The following ATG9B variants were observed in gnomAD, a reference collection of about 807,000 sequenced individuals.
ATG9B encodes the protein autophagy-related protein 9B.
A neutral mutation model predicts 92.9 loss-of-function variants in ATG9B; 92 were observed. That is an observed-to-expected ratio of 0.99 (90% CI 0.84 to 1.18). The LOEUF (loss-of-function observed/expected upper bound fraction) is 1.18, where lower values mean the gene tolerates loss of function less well. ATG9B is among the 50% of genes most tolerant of loss of function. The pLI, the probability that ATG9B is intolerant of heterozygous loss-of-function variation, is 0.00. For missense variants in ATG9B, 1,344 were observed against 1,235.0 expected (o/e 1.09, Z -1.32); for synonymous variants, 599 against 551.4 (o/e 1.09, Z -1.21).
In ATG9B at chr7:151,020,440, C is replaced by T. The variant is rs550998566; in HGVS notation, c.963+748G>A. On this transcript the variant is annotated intron_variant, in intron 5 of 13. Transcript: ENST00000639579. ...CAGAGCCAATCCGAGGTCCAGCTTC[C>T]GCTCTCACCACCTCTGCTTCCCCGG... 221 of 152,894 alleles carry T rather than the reference C, an allele frequency of 1.4e-3. 1 individual carries two copies. Among genetic ancestry groups the T allele is most frequent in the Non-Finnish European group, 6.0e-4 (41 of 68,250 alleles). The allele number at this position is 152,894 out of a possible 1,614,324, so 9.5% of individuals were successfully genotyped here.
intron 4 of ATG9B, among the ~76,000 whole-genome samples, chr7:151,021,657 T>G (rs1472125386): frequency 6.6e-5 from 10 of 151,692 alleles, no homozygotes; most frequent in Non-Finnish European, 1.3e-4. Flanking sequence ...ACACTCTTTT[T>G]TTTTTTTTTT....
chr7:151,013,270 G>T (rs1474354751), downstream of ATG9B: 2 of 1,613,828 alleles, frequency 1.2e-6, no homozygotes, highest in African/African-American at 2.7e-5. Flanking sequence ...TTCGGCTGCC[G>T]ATGCTCCCAA....
Position 151,018,506 on chromosome 7 carries a change from T to C in ATG9B, c.1719-59A>G. The C allele has an allele frequency of 6.6e-7, 1 of 1,517,284 alleles. No individual in the cohort carries two copies. Among genetic ancestry groups the C allele is most frequent in the Non-Finnish European group, 8.8e-7 (1 of 1,135,206 alleles). 94.0% of individuals were successfully genotyped at this position (1,517,284 alleles called of 1,614,324 possible). On this transcript the variant is annotated intron_variant, in intron 6 of 13. Coordinates refer to ENST00000639579, the MANE Select transcript of ATG9B (RefSeq NM_001317056.2). The surrounding 1 kb of genome is among the most constrained non-coding windows in gnomAD (Gnocchi z 4.7). ...GCGATTAGGAGGACGCGCGGTGGGA[T>C]GTAGGGCTAGAGGGCCCCAGTGGTG...
Position 151,019,003 on chromosome 7 carries a change from C to G in ATG9B, c.1335G>C (p.Leu445=), listed in dbSNP as rs1795641441. The part of the protein sequence containing the change: ...WGRTVLLLAA[L]NLALSPLVLA... The stretch of plus-strand genomic sequence containing the variant: ...GCACCAGCGGGCTCAGCGCCAGGTT[C>G]AGGGCGGCCAGCAGCAGCACTGTGC... The change falls in exon 6 of 14, where the codon CTG becomes CTC. Residue 445 remains leucine, a synonymous_variant. Coordinates refer to ENST00000639579, the MANE Select transcript of ATG9B (RefSeq NM_001317056.2). The G allele has an allele frequency of 6.4e-7, 1 of 1,566,394 alleles. No individual in the cohort carries two copies. Among genetic ancestry groups the G allele is most frequent in the African/African-American group, 1.4e-5 (1 of 73,224 alleles).
In ATG9B at chr7:151,018,681, G is replaced by C; in HGVS notation, c.1657C>G (p.Leu553Val). The change falls in exon 6 of 14, where the codon CTA (leucine) becomes GTA (valine). Residue 553 changes from leucine to valine, a missense_variant. Physicochemically the swap from Leu to Val is conservative, Grantham distance 32 (BLOSUM62 1). Coordinates refer to ENST00000639579, the MANE Select transcript of ATG9B (RefSeq NM_001317056.2). This position sits in a 1 kb window ranked among gnomAD's most constrained non-coding sequence, Gnocchi z 4.7. ...LVLTVYDEDV[L>V]AVEHVLTAMT... ...GCGGTGAGCACGTGCTCCACGGCTA[G>C]CACGTCCTCGTCGTAGACGGTGAGC... 1 of 1,605,782 alleles carries C rather than the reference G, an allele frequency of 6.2e-7. No individual in the cohort carries two copies. The highest frequency in any genetic ancestry group is 8.5e-7 in the Non-Finnish European group (1 of 1,178,420).
downstream of ATG9B, chr7:151,012,220 T>C (rs1795319860): frequency 1.3e-6 from 1 of 781,466 alleles, no homozygotes; most frequent in East Asian, 3.0e-5. Context: ...TGTTTTTTGT[T>C]TTTTGTTTTT....
chr7:151,019,467 C>T, intron 5 of ATG9B, 93 bp from the exon 6 acceptor site: 3 of 1,443,620 alleles, frequency 2.1e-6, no homozygotes, highest in Non-Finnish European at 2.7e-6. Flanking sequence ...CCTGAAAACC[C>T]GCAAACTGAG....
chr7:151,014,935 T>G (rs1322139813), downstream of ATG9B: 1 of 152,202 alleles, frequency 6.6e-6, no homozygotes, highest in Non-Finnish European at 1.5e-5. Flanking sequence ...TGACAAGATT[T>G]CTGTTTTAAC....
At position 151,019,180 on chromosome 7, in the gene ATG9B, TC is replaced by T; in HGVS notation, c.1157del (p.Gly386GlufsTer46). On this transcript the variant is annotated frameshift_variant, in exon 6 of 14. Transcript: ENST00000639579. LOFTEE classifies it high-confidence loss of function. Reference sequence around the variant, plus strand: ...CGCGGCTGAGGAAAGCCGCACTGCCTCCCCAGGGCAGCGGGCAGCGGGCCGG... The same window carrying T: ...CGCGGCTGAGGAAAGCCGCACTGCCTCCCAGGGCAGCGGGCAGCGGGCCGG... ...LLPARCPLPWGGSAAFLSRGL... is the reference protein window; with the variant it reads ...LLPARCPLPWXGSAAFLSRGL... 1 of 1,536,682 alleles carries T rather than the reference TC, an allele frequency of 6.5e-7. No individual in the cohort carries two copies.
chr7:151,012,730 A>G (rs1242346018), downstream of ATG9B: 4 of 428,688 alleles, frequency 9.3e-6, no homozygotes, highest in East Asian at 3.9e-5. Flanking sequence ...CAAAGGGATT[A>G]GGGCTAAGAC....
At chr7:151,020,099 CCCA>C (rs1795692012) in intron 5 of ATG9B, 1 of 152,490 alleles carries the variant, frequency 6.6e-6, no homozygotes, top group African/African-American at 2.4e-5. Context: ...CAGAATCCTC[CCCA>C]CCTTCTGCCT....
rs1238680166 is a variant in ATG9B, at chr7:151,015,875, TACTG to T, written c.*14+3_*14+6del. On this transcript the variant is annotated splice_donor_5th_base_variant and intron_variant, in intron 13 of 13. Coordinates refer to ENST00000639579, the MANE Select transcript of ATG9B (RefSeq NM_001317056.2). Reference sequence around the variant, plus strand: ...TTCTCCCTCCCCTCACAGGAGGCAATACTGACCCTGAGGAGTCGTCTCAGTCAGT... The same window carrying T: ...TTCTCCCTCCCCTCACAGGAGGCAATACCCTGAGGAGTCGTCTCAGTCAGT... The T allele has an allele frequency of 3.2e-6, 5 of 1,549,626 alleles. No individual in the cohort carries two copies. The highest frequency in any genetic ancestry group is 3.3e-4 in the Middle Eastern group (2 of 5,978).
In ATG9B at chr7:151,023,225, G is replaced by A; in HGVS notation, c.660-19C>T. On this transcript the variant is annotated intron_variant, in intron 3 of 13. Coordinates refer to ENST00000639579, the MANE Select transcript of ATG9B (RefSeq NM_001317056.2). ...AAATTGTCTGCCGGGAGGAAGGGGG[G>A]GTGCCGGGATGCTGCAGTGATCAGG... The A allele has an allele frequency of 6.2e-7, 1 of 1,614,070 alleles. No homozygotes were observed. Among genetic ancestry groups the A allele is most frequent in the Non-Finnish European group, 8.5e-7 (1 of 1,179,998 alleles).
rs376401572 is a variant in ATG9B, at chr7:151,023,002, T to C, written c.821+43A>G. ...GGCTCCCGTCTACTCCTCTACCCAC[T>C]GCCCATGCTTCACCCCCAGGGCCCC... On this transcript the variant is annotated intron_variant, in intron 4 of 13. Coordinates refer to ENST00000639579, the MANE Select transcript of ATG9B (RefSeq NM_001317056.2). 1.5e-5 allele frequency: 24 copies of C among 1,612,640 alleles called. No individual in the cohort carries two copies. The African/African-American group carries it at 2.7e-4, about 18-fold the overall frequency.
intron 8 of ATG9B, 40 bp from the exon 9 acceptor site, chr7:151,017,312 A>G (rs767664759): frequency 4.6e-6 from 7 of 1,532,110 alleles, no homozygotes; most frequent in Non-Finnish European, 6.2e-6. Flanking sequence ...AAGAACACTG[A>G]GCCTTATGGG....
Position 151,018,700 on chromosome 7 carries a change from G to A in ATG9B, c.1638C>T (p.Thr546=), listed in dbSNP as rs761769853. The part of the protein sequence containing the change: ...GALFAALLVL[T]VYDEDVLAVE... ...CGGCTAGCACGTCCTCGTCGTAGAC[G>A]GTGAGCACAAGCAGCGCGGCGAAGA... The change falls in exon 6 of 14, where the codon ACC becomes ACT. Residue 546 remains threonine (T), a synonymous_variant. Coordinates refer to ENST00000639579, the MANE Select transcript of ATG9B (RefSeq NM_001317056.2). This position sits in a 1 kb window ranked among gnomAD's most constrained non-coding sequence, Gnocchi z 4.7. 1.9e-6 allele frequency: 3 copies of A among 1,602,974 alleles called. 1 individual carries two copies. The highest frequency in any genetic ancestry group is 2.5e-6 in the Non-Finnish European group (3 of 1,177,124).
At chr7:151,016,925 G>A (rs1258286676) in intron 9 of ATG9B, 104 bp from the exon 10 acceptor site, 13 of 1,509,988 alleles carry the variant, frequency 8.6e-6, no homozygotes, top group Non-Finnish European at 1.2e-5. Context: ...GAGCAGGCTG[G>A]GGGCGGGGGC....
chr7:151,024,067 G>T lies in ATG9B; in HGVS notation c.357C>A (p.Thr119=). 6.3e-7 allele frequency: 1 copy of T among 1,596,144 alleles called. No individual in the cohort carries two copies. The highest frequency in any genetic ancestry group is 2.3e-5 in the East Asian group (1 of 44,278). ...SASPSWGSHS[T]PPLAPATPTP... ...TGGGGGTTGCCGGGGCCAGGGGTGG[G>T]GTGGAGTGGGATCCCCAGGAGGGAG... Residue 119 remains threonine, a synonymous_variant, in exon 1 of 14, where the codon ACC becomes ACA. Coordinates refer to ENST00000639579, the MANE Select transcript of ATG9B (RefSeq NM_001317056.2).
In ATG9B at chr7:151,018,470, G is replaced by A. The variant is rs1408627104; in HGVS notation, c.1719-23C>T. 4.6e-6 allele frequency: 7 copies of A among 1,521,040 alleles called. No homozygotes were observed. The highest frequency in any genetic ancestry group is 5.3e-6 in the Non-Finnish European group (6 of 1,135,488). The allele number at this position is 1,521,040 out of a possible 1,614,324, so 94.2% of individuals were successfully genotyped here. A position where few individuals can be genotyped will look rare whatever the true frequency, so the allele number is the denominator to read the frequency against. On this transcript the variant is annotated intron_variant, in intron 6 of 13. Coordinates refer to ENST00000639579, the MANE Select transcript of ATG9B (RefSeq NM_001317056.2). This position sits in a 1 kb window ranked among gnomAD's most constrained non-coding sequence, Gnocchi z 4.7. ...GACCTGAAAGGCGGGATCCGTGGGG[G>A]GAAGGGGCCTGCGATTAGGAGGACG...
Sources: allele counts gnomAD v4.1 joint callset (sites outside exome capture counted in the v4.1 genomes callset), GRCh38; gene constraint gnomAD v4.1.1; non-coding constraint Gnocchi (gnomAD v3.1); transcripts MANE v1.5; gene names NCBI Gene and HGNC (gene_info 2026-07-23, HGNC 2026-07-21).